The following LPCAT3 variants were observed in gnomAD, a reference collection of about 807,000 sequenced individuals.
LPCAT3 encodes lysophosphatidylcholine acyltransferase 3, also known as lysophospholipid acyltransferase 5.
A neutral mutation model predicts 63.4 loss-of-function variants in LPCAT3; 21 were observed. The observed-to-expected ratio is 0.33, with a 90% CI of 0.23 to 0.48. LPCAT3 has a LOEUF of 0.48. Among genes scored for constraint, LPCAT3 ranks in the 20% least tolerant of loss-of-function variants. The pLI is 0.99. For missense variants in LPCAT3, 451 were observed against 590.6 expected, an observed-to-expected ratio of 0.76 and a Z score of 2.45; for synonymous variants, 242 against 227.5, an observed-to-expected ratio of 1.06 and a Z score of -0.58.
At chr12:7,015,611 T>G (rs1397842823) in intron 1 of LPCAT3, among the ~76,000 whole-genome samples, 1 of 152,222 alleles carries the variant, frequency 6.6e-6, no homozygotes, top group Non-Finnish European at 1.5e-5. Context: ...GTCCACATGA[T>G]GAGCTATACC....
At position 6,988,878 on chromosome 12, in the gene LPCAT3, G is replaced by A. The variant is rs368671202; in HGVS notation, c.152-5339C>T. 1.1e-4 allele frequency among the ~76,000 whole-genome samples: 16 copies of A among 152,304 alleles called. No individual in the cohort carries two copies. The East Asian group carries it at 1.7e-3, about 17-fold the overall frequency. The stretch of plus-strand genomic sequence containing the variant: ...GCCGTGGCTCACGCCTGTAATCCCA[G>A]CACTTTGGGAGGCCGAGGCAGGCGG... On this transcript the variant is annotated intron_variant, in intron 1 of 12. Coordinates refer to ENST00000261407, the MANE Select transcript of LPCAT3 (RefSeq NM_005768.6).
At chr12:7,005,422 T>C (rs782613451) in intron 1 of LPCAT3, among the ~76,000 whole-genome samples, 1 of 152,376 alleles carries the variant, frequency 6.6e-6, no homozygotes, top group African/African-American at 2.4e-5. Context: ...AGTTTTTGTG[T>C]GAATCTATGC....
At chr12:7,016,823 G>T (rs1946800279) in intron 1 of LPCAT3, among the ~76,000 whole-genome samples, 1 of 152,280 alleles carries the variant, frequency 6.6e-6, no homozygotes, top group East Asian at 1.9e-4. Context: ...ATGATGTCTG[G>T]GTGACACTGA....
chr12:6,981,562 C>T (rs782465029), intron 5 of LPCAT3, 33 bp downstream of exon 5: 1 of 1,611,228 alleles, frequency 6.2e-7, no homozygotes, highest in Non-Finnish European at 8.5e-7. Context: ...TTCATTAAGT[C>T]TTGAACCTCT....
intron 1 of LPCAT3, among the ~76,000 whole-genome samples, chr12:6,998,815 G>A (rs1166425567): frequency 6.6e-6 from 1 of 152,212 alleles, no homozygotes; most frequent in Non-Finnish European, 1.5e-5. Flanking sequence ...AGTTATTCAT[G>A]AATACAGATT....
At chr12:7,001,101 G>A (rs1436959927) in intron 1 of LPCAT3, among the ~76,000 whole-genome samples, 2 of 152,088 alleles carry the variant, frequency 1.3e-5, no homozygotes, top group South Asian at 2.1e-4. Flanking sequence ...GCCTTTGCCC[G>A]CTTCGAACTG....
intron 1 of LPCAT3, among the ~76,000 whole-genome samples, chr12:6,985,303 G>A (rs1946511758): frequency 6.6e-6 from 1 of 152,084 alleles, no homozygotes; most frequent in Non-Finnish European, 1.5e-5. Flanking sequence ...GGCTGAGGCA[G>A]GAGAATGGCA....
At chr12:6,998,216 A>AT (rs1308737074) in intron 1 of LPCAT3, among the ~76,000 whole-genome samples, 9 of 152,008 alleles carry the variant, frequency 5.9e-5, no homozygotes, top group Non-Finnish European at 7.4e-5. Flanking sequence ...GCATCTTGCT[A>AT]TATTGCCCAG....
At chr12:7,011,873 C>T (rs1946766485) in intron 1 of LPCAT3, among the ~76,000 whole-genome samples, 1 of 152,104 alleles carries the variant, frequency 6.6e-6, no homozygotes, top group Non-Finnish European at 1.5e-5. Context: ...GGTCAGAAGT[C>T]TCTTTGTTTC....
At chr12:7,005,398 A>T (rs1409265939) in intron 1 of LPCAT3, among the ~76,000 whole-genome samples, 2 of 152,256 alleles carry the variant, frequency 1.3e-5, no homozygotes, top group African/African-American at 4.8e-5. Context: ...TAAAGCTATG[A>T]ACATTTGTGT....
At chr12:6,989,650 C>T (rs1946568949) in intron 1 of LPCAT3, among the ~76,000 whole-genome samples, 1 of 152,116 alleles carries the variant, frequency 6.6e-6, no homozygotes, top group African/African-American at 2.4e-5. Flanking sequence ...TGTACAAGCC[C>T]TCTTCAGGGG....
At position 7,018,339 on chromosome 12, in the gene LPCAT3, T is replaced by G; in HGVS notation, c.86A>C (p.Asn29Thr). ...LQSGFQELSLNKLATSLGASE... is the reference protein window; with the variant it reads ...LQSGFQELSLTKLATSLGASE... ...CGCGCCCAGGGACGTCGCCAACTTG[T>G]TAAGGCTCAGCTCCTGGAAACCCGA... Residue 29 changes from asparagine (N) to threonine (T), a missense_variant, in exon 1 of 13, where the codon AAC becomes ACC. Asn to Thr is a moderately conservative substitution (Grantham distance 65). Coordinates refer to ENST00000261407, the MANE Select transcript of LPCAT3 (RefSeq NM_005768.6). The surrounding 1 kb of genome is among the most constrained non-coding windows in gnomAD (Gnocchi z 4.9). 2 of 1,611,812 alleles carry G rather than the reference T, an allele frequency of 1.2e-6. No homozygotes were observed. Among genetic ancestry groups the G allele is most frequent in the Non-Finnish European group, 1.7e-6 (2 of 1,179,196 alleles).
Position 6,987,105 on chromosome 12 carries a change from CTG to C in LPCAT3, c.152-3568_152-3567del, listed in dbSNP as rs1946536479. Among the ~76,000 whole-genome samples the C allele has an allele frequency of 6.9e-6, 1 of 144,356 alleles. No individual in the cohort carries two copies. Among genetic ancestry groups the C allele is most frequent in the African/African-American group, 2.9e-5 (1 of 34,764 alleles). 94.7% of individuals were successfully genotyped at this position (144,356 alleles called of 152,430 possible). A position where few individuals can be genotyped will look rare whatever the true frequency, so the allele number is the denominator to read the frequency against. ...TCCAGCTTGGGCAACGAGCAAGATT[CTG>C]TCTCAAAAAAAAAAGAAAAAAAAGT... On this transcript the variant is annotated intron_variant, in intron 1 of 12. Transcript: ENST00000261407. This position sits in a 1 kb window ranked among gnomAD's most constrained non-coding sequence, Gnocchi z 4.1.
At chr12:6,997,379 A>ATGTGTGTGTGTGTGTG (rs201579525) in intron 1 of LPCAT3, 11 of 114,138 alleles carry the variant, frequency 9.6e-5, no homozygotes, top group East Asian at 5.4e-4. Context: ...ACAGCAAATT[A>ATGTGTGTGTGTGTGTG]TGTGTGTGTG....
chr12:7,006,743 G>A (rs1946727539), intron 1 of LPCAT3, among the ~76,000 whole-genome samples: 1 of 152,268 alleles, frequency 6.6e-6, no homozygotes, highest in South Asian at 2.1e-4. Flanking sequence ...ACTTCTGACT[G>A]AGGGATATGC....
intron 2 of LPCAT3, chr12:6,983,155 T>G: frequency 2.1e-6 from 1 of 471,134 alleles, no homozygotes; most frequent in Non-Finnish European, 3.9e-6. Flanking sequence ...CTTGGCTCGG[T>G]CATTCAGTTA....
At position 6,977,460 on chromosome 12, in the gene LPCAT3, G is replaced by T. The variant is rs1555153410; in HGVS notation, c.1254C>A (p.Pro418=). ...SKLAAITVLQ[P]FYYLVQQTIH... ...TGGTCTGTTGCACCAAATAGTAGAA[G>T]GGCTGGAGGACAGTAATGGCGGCCA... is the stretch of plus-strand genomic sequence containing the variant. The change falls in exon 11 of 13, where the codon CCC becomes CCA. Residue 418 remains proline (P), a synonymous_variant. Transcript: ENST00000261407. This position sits in a 1 kb window ranked among gnomAD's most constrained non-coding sequence, Gnocchi z 4.5. 6.2e-7 allele frequency: 1 copy of T among 1,614,224 alleles called. No individual in the cohort carries two copies. The highest frequency in any genetic ancestry group is 8.5e-7 in the Non-Finnish European group (1 of 1,180,040).
intron 1 of LPCAT3, among the ~76,000 whole-genome samples, chr12:7,005,171 CA>C (rs1447672057): frequency 1.3e-5 from 2 of 152,224 alleles, no homozygotes; most frequent in Non-Finnish European, 2.9e-5. Flanking sequence ...CTGGGTATTT[CA>C]TATAAATGGA....
rs782341445 is a variant in LPCAT3, at chr12:6,977,300, A to G, written c.1348-38T>C. 22 of 1,611,552 alleles carry G rather than the reference A, an allele frequency of 1.4e-5. No individual in the cohort carries two copies. The highest frequency in any genetic ancestry group is 1.8e-5 in the Non-Finnish European group (21 of 1,177,804). ...AGGCCACTAAGGTAGACAGGCCTGGAGTGTCCTTTGCAACCTTTGAGGTTG... is the reference window on the plus strand; with the variant it reads ...AGGCCACTAAGGTAGACAGGCCTGGGGTGTCCTTTGCAACCTTTGAGGTTG... On this transcript the variant is annotated intron_variant, in intron 11 of 12. Transcript: ENST00000261407. This position sits in a 1 kb window ranked among gnomAD's most constrained non-coding sequence, Gnocchi z 4.5.
Sources: gnomAD v4.1 joint callset for allele counts (sites outside exome capture counted in the v4.1 genomes callset) on GRCh38, gnomAD v4.1.1 for gene constraint, Gnocchi (gnomAD v3.1) non-coding constraint, MANE v1.5 for transcripts, NCBI Gene and HGNC (gene_info 2026-07-23, HGNC 2026-07-21) for gene names.